The following SLC4A4 variants were observed in gnomAD, a reference collection of about 807,000 sequenced individuals.
SLC4A4 encodes the protein electrogenic sodium bicarbonate cotransporter 1.
SLC4A4 carries 27 observed loss-of-function variants against 111.5 expected under a neutral mutation model. The ratio of observed to expected loss-of-function variants is 0.24; its 90% confidence interval spans 0.18 to 0.33. The LOEUF is 0.33. SLC4A4 is among the 10% of genes least tolerant of loss of function. The pLI, the probability that SLC4A4 is intolerant of heterozygous loss-of-function variation, is 1.00. For missense variants in SLC4A4, 909 were observed against 1,315.5 expected (o/e 0.69, Z 4.78); for synonymous variants, 443 against 463.4 (o/e 0.96, Z 0.57).
At chr4:71,434,560 C>T (rs542081405) in intron 7 of SLC4A4, 1 of 153,042 alleles carries the variant, frequency 6.5e-6, no homozygotes, top group African/African-American at 2.4e-5. Context: ...TCATTTATCC[C>T]ATAAAAGCTC....
At chr4:71,425,700 G>T (rs1723061114) in intron 7 of SLC4A4, among the ~76,000 whole-genome samples, 1 of 152,050 alleles carries the variant, frequency 6.6e-6, no homozygotes, top group Non-Finnish European at 1.5e-5. Context: ...GTGGATGGTG[G>T]GGCAGGGAGA....
At chr4:71,414,714 A>G (rs896410709) in intron 7 of SLC4A4, among the ~76,000 whole-genome samples, 11 of 152,170 alleles carry the variant, frequency 7.2e-5, no homozygotes, top group Admixed American at 5.9e-4. Context: ...TCATTTGTCT[A>G]TTTATTTTGA....
chr4:71,345,163 C>A, intron 4 of SLC4A4, among the ~76,000 whole-genome samples: 1 of 152,016 alleles, frequency 6.6e-6, no homozygotes, highest in East Asian at 1.9e-4. Context: ...CCTGAAAAAT[C>A]GTTTGGAATT....
chr4:71,101,273 A>G (rs1255376720), intron 2 of SLC4A4, among the ~76,000 whole-genome samples: 1 of 152,194 alleles, frequency 6.6e-6, no homozygotes, highest in Middle Eastern at 3.2e-3. Context: ...AAACAAAAAA[A>G]CAAAAAAAAT....
chr4:71,172,630 G>A (rs1744976906), intron 2 of SLC4A4, among the ~76,000 whole-genome samples: 1 of 152,252 alleles, frequency 6.6e-6, no homozygotes, highest in African/African-American at 2.4e-5. Context: ...ATTGCTGAAT[G>A]AAAAGAGATA....
At chr4:71,066,331 T>G (rs1321116534) in intron 1 of SLC4A4, among the ~76,000 whole-genome samples, 1 of 152,198 alleles carries the variant, frequency 6.6e-6, no homozygotes, top group Non-Finnish European at 1.5e-5. Context: ...ACATCATTAT[T>G]CCTTATAACA....
intron 2 of SLC4A4, among the ~76,000 whole-genome samples, chr4:71,174,943 G>A (rs2148984154): frequency 6.6e-6 from 1 of 152,280 alleles, no homozygotes; most frequent in South Asian, 2.1e-4. Context: ...CAGGTGGGAA[G>A]TGAGCAAATA....
intron 3 of SLC4A4, among the ~76,000 whole-genome samples, chr4:71,306,634 G>C (rs1725710990): frequency 1.3e-5 from 2 of 152,100 alleles, no homozygotes; most frequent in African/African-American, 4.8e-5. Context: ...AAAATTAAAT[G>C]CAAAGAACTT....
chr4:71,450,848 CAT>C (rs1414865776), intron 10 of SLC4A4, among the ~76,000 whole-genome samples: 1 of 152,180 alleles, frequency 6.6e-6, no homozygotes, highest in Non-Finnish European at 1.5e-5. Context: ...TATCTGGAAA[CAT>C]AAATTTACTG....
chr4:71,128,664 T>C (rs536136724), intron 2 of SLC4A4, among the ~76,000 whole-genome samples: 1 of 152,086 alleles, frequency 6.6e-6, no homozygotes, highest in Non-Finnish European at 1.5e-5. Context: ...AATTTTTGTA[T>C]TTTTAGTAGA....
At chr4:71,079,413 G>T (rs1233562484) in intron 1 of SLC4A4, among the ~76,000 whole-genome samples, 1 of 152,166 alleles carries the variant, frequency 6.6e-6, no homozygotes, top group Non-Finnish European at 1.5e-5. Flanking sequence ...CAAAATCCTA[G>T]TCAGAATGAT....
chr4:71,525,501 T>C (rs1218278632), intron 16 of SLC4A4, among the ~76,000 whole-genome samples: 1 of 152,156 alleles, frequency 6.6e-6, no homozygotes, highest in Non-Finnish European at 1.5e-5. Context: ...ACTTTTTTCA[T>C]GGCAAGCTCT....
intron 2 of SLC4A4, among the ~76,000 whole-genome samples, chr4:71,168,177 CTTTTT>C (rs777092928): frequency 5.6e-5 from 6 of 106,234 alleles, no homozygotes; most frequent in African/African-American, 1.3e-4. Context: ...CAATTATACT[CTTTTT>C]TTTTTTTTTT....
At chr4:71,537,913 TA>T (rs1734702248) in intron 18 of SLC4A4, among the ~76,000 whole-genome samples, 1 of 152,136 alleles carries the variant, frequency 6.6e-6, no homozygotes, top group Non-Finnish European at 1.5e-5. Context: ...CAGGGCTTAC[TA>T]ACTCCAAGGA....
chr4:71,361,180 GCATACACATACT>G (rs1169350788), intron 6 of SLC4A4, among the ~76,000 whole-genome samples: 1 of 152,130 alleles, frequency 6.6e-6, no homozygotes, highest in African/African-American at 2.4e-5. Flanking sequence ...AAAAATCAAT[GCATACACATACT>G]CACGCACGCA....
At chr4:71,550,718 T>C (rs560214399) in intron 20 of SLC4A4, among the ~76,000 whole-genome samples, 13 of 152,070 alleles carry the variant, frequency 8.5e-5, no homozygotes, top group African/African-American at 3.1e-4. Flanking sequence ...AAACTCCATA[T>C]ATCCCTCACA....
At chr4:71,442,032 A>G (rs1035374362) in intron 8 of SLC4A4, among the ~76,000 whole-genome samples, 1 of 152,126 alleles carries the variant, frequency 6.6e-6, no homozygotes, top group Non-Finnish European at 1.5e-5. Context: ...CTGTGCCCCT[A>G]TGGCTTTATT....
At chr4:71,153,435 G>A (rs1048528089) in intron 2 of SLC4A4, among the ~76,000 whole-genome samples, 3 of 152,212 alleles carry the variant, frequency 2.0e-5, no homozygotes, top group African/African-American at 7.2e-5. Context: ...CTTCCTGGAA[G>A]TACTAGGGAG....
intron 3 of SLC4A4, among the ~76,000 whole-genome samples, chr4:71,261,751 A>G (rs960695420): frequency 2.0e-5 from 3 of 152,184 alleles, no homozygotes; most frequent in Admixed American, 1.3e-4. Flanking sequence ...GCCACTGGCT[A>G]TTCTATTCTA....
Sources: allele counts gnomAD v4.1 joint callset (sites outside exome capture counted in the v4.1 genomes callset), GRCh38; gene constraint gnomAD v4.1.1; transcripts MANE v1.5; gene names NCBI Gene and HGNC (gene_info 2026-07-23, HGNC 2026-07-21).